Variants in RNF43 observed in about 807,000 individuals in gnomAD.
RNF43 encodes E3 ubiquitin-protein ligase RNF43.
In RNF43, 37 loss-of-function variants were observed where a neutral mutation model predicts 78.4. The ratio of observed to expected loss-of-function variants is 0.47; its 90% CI spans 0.36 to 0.62. The LOEUF (loss-of-function observed/expected upper bound fraction) is 0.62, where lower values mean the gene tolerates loss of function less well. Among genes scored for constraint, RNF43 ranks in the 20% least tolerant of loss-of-function variants. RNF43 has a pLI of 0.00. For missense variants in RNF43, 774 were observed against 1,007.9 expected, an observed-to-expected ratio of 0.77 and a Z score of 3.14; for synonymous variants, 347 against 395.0, an observed-to-expected ratio of 0.88 and a Z score of 1.44.
In RNF43 at chr17:58,358,735, G is replaced by T; in HGVS notation, c.1041C>A (p.Gly347=). The change falls in exon 9 of 10, where the codon GGC becomes GGA. Residue 347 remains glycine (G), a synonymous_variant. Coordinates refer to ENST00000407977, the MANE Select transcript of RNF43 (RefSeq NM_017763.6). The surrounding 1 kb of genome is among the most constrained non-coding windows in gnomAD (Gnocchi z 6.2). Reference sequence around the variant, plus strand: ...CAGCAGGGAGGTGGTAGTGGGCATGGCCGGGATGCTGGCGAATGAGGTGGA... The same window carrying T: ...CAGCAGGGAGGTGGTAGTGGGCATGTCCGGGATGCTGGCGAATGAGGTGGA... ...RRLHLIRQHP[G]HAHYHLPAAY... The T allele has an allele frequency of 6.4e-7, 1 of 1,560,258 alleles. No homozygotes were observed. Among genetic ancestry groups the T allele is most frequent in the Non-Finnish European group, 8.7e-7 (1 of 1,150,658 alleles).
Position 58,357,322 on chromosome 17 carries a change from G to T in RNF43, c.2308+146C>A. 1 of 1,016,226 alleles carries T rather than the reference G, an allele frequency of 9.8e-7. No homozygotes were observed. Among genetic ancestry groups the T allele is most frequent in the Non-Finnish European group, 1.5e-6 (1 of 659,366 alleles). 63.0% of individuals were successfully genotyped at this position (1,016,226 alleles called of 1,614,324 possible). On this transcript the variant is annotated intron_variant, in intron 9 of 9. Coordinates refer to ENST00000407977, the MANE Select transcript of RNF43 (RefSeq NM_017763.6). The surrounding 1 kb of genome is among the most constrained non-coding windows in gnomAD (Gnocchi z 4.5). ...TGCACTCTAGCCAGCATGATACGCTGTCCCGATGGTTAAGTATTTTGGTTG... is the reference window on the plus strand; with the variant it reads ...TGCACTCTAGCCAGCATGATACGCTTTCCCGATGGTTAAGTATTTTGGTTG...
At chr17:58,391,134 A>G (rs1036685421) in intron 2 of RNF43, among the ~76,000 whole-genome samples, 7 of 152,254 alleles carry the variant, frequency 4.6e-5, no homozygotes, top group Non-Finnish European at 7.3e-5. Context: ...TGTGAAGCCA[A>G]CCGGAGATAT....
intron 2 of RNF43, among the ~76,000 whole-genome samples, chr17:58,409,212 T>A (rs1973975318): frequency 6.6e-6 from 1 of 152,210 alleles, no homozygotes; most frequent in South Asian, 2.1e-4. Context: ...TTTCCCAATA[T>A]ATTTCCTTTT....
At chr17:58,410,297 C>T (rs1974002401) in intron 2 of RNF43, among the ~76,000 whole-genome samples, 1 of 152,164 alleles carries the variant, frequency 6.6e-6, no homozygotes, top group African/African-American at 2.4e-5. Flanking sequence ...CTTCTAACAA[C>T]AAGGCCAAGT....
chr17:58,373,161 C>T (rs986235148), intron 2 of RNF43, among the ~76,000 whole-genome samples: 12 of 152,196 alleles, frequency 7.9e-5, no homozygotes, highest in Non-Finnish European at 1.0e-4. Context: ...ACCCTCCCCA[C>T]ATGGTCCAGC....
intron 3 of RNF43, among the ~76,000 whole-genome samples, chr17:58,368,080 G>A (rs1161556477): frequency 6.6e-6 from 1 of 152,212 alleles, no homozygotes; most frequent in Non-Finnish European, 1.5e-5. Context: ...CAGGCTGCAA[G>A]CCCAGGGCTA....
At chr17:58,363,042 C>T (rs1390670968) in intron 5 of RNF43, 1 of 569,346 alleles carries the variant, frequency 1.8e-6, no homozygotes, top group Admixed American at 3.2e-5. Flanking sequence ...GCCATGAAGC[C>T]ACAGAGCTGT....
At chr17:58,363,703 G>T in intron 3 of RNF43, 103 bp from the exon 4 acceptor site, 1 of 955,534 alleles carries the variant, frequency 1.0e-6, no homozygotes, top group Non-Finnish European at 1.6e-6. Flanking sequence ...CTAGGATTAT[G>T]CCCACAGCAC....
In RNF43 at chr17:58,383,627, G is replaced by A. The variant is rs140310948; in HGVS notation, c.253-12594C>T. Among the ~76,000 whole-genome samples the A allele has an allele frequency of 2.0e-3, 311 of 152,050 alleles. 3 individuals carry two copies. Among genetic ancestry groups the A allele is most frequent in the African/African-American group, 7.1e-3 (295 of 41,490 alleles). ...TGAAGCCCAAGTTTTTTTGTTTTTTGCATTTTGGTGTTTTTTTCTTTTTTC... is the reference window on the plus strand; with the variant it reads ...TGAAGCCCAAGTTTTTTTGTTTTTTACATTTTGGTGTTTTTTTCTTTTTTC... On this transcript the variant is annotated intron_variant, in intron 2 of 9. Transcript: ENST00000407977.
intron 2 of RNF43, among the ~76,000 whole-genome samples, chr17:58,383,678 C>T (rs986861544): frequency 6.6e-6 from 1 of 152,016 alleles, no homozygotes; most frequent in African/African-American, 2.4e-5. Flanking sequence ...AGTGCAATGG[C>T]GTGATCTCGG....
At chr17:58,362,984 G>C (rs1425746596) in intron 5 of RNF43, among the ~76,000 whole-genome samples, 1 of 152,212 alleles carries the variant, frequency 6.6e-6, no homozygotes, top group African/African-American at 2.4e-5. Flanking sequence ...CCCAATCAGG[G>C]GTCATGGATC....
chr17:58,413,376 T>C (rs754617643), intron 2 of RNF43, among the ~76,000 whole-genome samples: 3 of 152,130 alleles, frequency 2.0e-5, no homozygotes, highest in Non-Finnish European at 2.9e-5. Context: ...GAAACCAATA[T>C]GGAAAGTATC....
At position 58,357,564 on chromosome 17, in the gene RNF43, G is replaced by A. The variant is rs1251108845; in HGVS notation, c.2212C>T (p.His738Tyr). ...CLTPRQPLEP[H>Y]PPGEGPSEWS... ...TCAGAAGGCCCCTCCCCAGGTGGAT[G>A]TGGTTCCAGGGGCTGGCGAGGAGTC... Residue 738 changes from histidine (H) to tyrosine (Y), a missense_variant, in exon 9 of 10, where the codon CAT becomes TAT. By Grantham distance (83) the His-to-Tyr change is moderately conservative (BLOSUM62 2). Coordinates refer to ENST00000407977, the MANE Select transcript of RNF43 (RefSeq NM_017763.6). The surrounding 1 kb of genome is among the most constrained non-coding windows in gnomAD (Gnocchi z 4.5). 1 of 1,614,244 alleles carries A rather than the reference G, an allele frequency of 6.2e-7. No homozygotes were observed. Among genetic ancestry groups the A allele is most frequent in the South Asian group, 1.1e-5 (1 of 91,090 alleles).
chr17:58,365,090 T>C (rs1972923026), intron 3 of RNF43, among the ~76,000 whole-genome samples: 1 of 152,216 alleles, frequency 6.6e-6, no homozygotes, highest in Non-Finnish European at 1.5e-5. Context: ...ACAGGACCAG[T>C]CAATTCCAGA....
Position 58,354,878 on chromosome 17 carries a change from T to C in RNF43, c.*65A>G. On this transcript the variant is annotated 3_prime_UTR_variant, in exon 10 of 10. Transcript: ENST00000407977. ...TCCTTTCCTTTCCCAGGAGCAGGAC[T>C]CTGTGCCAGGTAGGGCCCAAACACA... 7.0e-7 allele frequency: 1 copy of C among 1,426,406 alleles called. No homozygotes were observed. Among genetic ancestry groups the C allele is most frequent in the East Asian group, 2.3e-5 (1 of 44,036 alleles). 88.4% of individuals were successfully genotyped at this position (1,426,406 alleles called of 1,614,324 possible). A position where few individuals can be genotyped will look rare whatever the true frequency, so the allele number is the denominator to read the frequency against.
intron 2 of RNF43, among the ~76,000 whole-genome samples, chr17:58,401,727 G>T (rs1973803930): frequency 6.6e-6 from 1 of 151,804 alleles, no homozygotes; most frequent in African/African-American, 2.4e-5. Context: ...TCAGTTGCAG[G>T]CTGGGCTCTC....
intron 2 of RNF43, among the ~76,000 whole-genome samples, chr17:58,372,087 C>T (rs1041028566): frequency 6.6e-6 from 1 of 152,190 alleles, no homozygotes; most frequent in Non-Finnish European, 1.5e-5. Flanking sequence ...GCCCACACTT[C>T]CCCCTCTACT....
In RNF43 at chr17:58,367,166, A is replaced by G. The variant is rs1336820155; in HGVS notation, c.376-3566T>C. On this transcript the variant is annotated intron_variant, in intron 3 of 9. Coordinates refer to ENST00000407977, the MANE Select transcript of RNF43 (RefSeq NM_017763.6). ...CAGGTGCGTGCCACCACGCCTGGCT[A>G]ATTTTTGTATTTTTAGTAGAGATGA... Among the ~76,000 whole-genome samples the G allele has an allele frequency of 2.6e-5, 4 of 151,604 alleles. No individual in the cohort carries two copies. The East Asian group carries it at 5.8e-4, about 22-fold the overall frequency.
chr17:58,408,767 T>C (rs1325802666), intron 2 of RNF43, among the ~76,000 whole-genome samples: 1 of 152,186 alleles, frequency 6.6e-6, no homozygotes, highest in Non-Finnish European at 1.5e-5. Flanking sequence ...TCTAGAGTGA[T>C]CTCCCAGCCA....
Sources: gnomAD v4.1 joint callset for allele counts (sites outside exome capture counted in the v4.1 genomes callset) on GRCh38, gnomAD v4.1.1 for gene constraint, Gnocchi (gnomAD v3.1) non-coding constraint, MANE v1.5 for transcripts, NCBI Gene and HGNC (gene_info 2026-07-23, HGNC 2026-07-21) for gene names.